The following UBAP2 variants were observed in gnomAD, a reference collection of about 807,000 sequenced individuals.
UBAP2 encodes ubiquitin-associated protein 2.
A neutral mutation model predicts 139.6 loss-of-function variants in UBAP2; 75 were observed. The observed-to-expected ratio is 0.54, with a 90% CI of 0.45 to 0.65. The LOEUF (loss-of-function observed/expected upper bound fraction) is 0.65, where lower values mean the gene tolerates loss of function less well. UBAP2 is among the 30% of genes least tolerant of loss of function. The pLI, the probability that UBAP2 is intolerant of heterozygous loss-of-function variation, is 0.00. For missense variants in UBAP2, 1,368 were observed against 1,369.6 expected (o/e 1.00, Z 0.02); for synonymous variants, 526 against 526.2 (o/e 1.00, Z 0.01).
At chr9:34,002,146 G>T (rs73480999) in intron 2 of UBAP2, among the ~76,000 whole-genome samples, 1,762 of 151,426 alleles carry the variant, frequency 0.012, 33 homozygotes, top group African/African-American at 0.04. Context: ...TAAAGACAAG[G>T]TCTCACTGTG....
intron 19 of UBAP2, among the ~76,000 whole-genome samples, chr9:33,930,895 CAAAAAAA>C (rs57202118): frequency 7.1e-4 from 52 of 73,238 alleles, no homozygotes; most frequent in Admixed American, 5.9e-3. Context: ...GACTGCATCT[CAAAAAAA>C]AAAAAAAAAA....
At chr9:33,944,253 C>CT in intron 14 of UBAP2, 112 bp downstream of exon 14, 1 of 1,385,600 alleles carries the variant, frequency 7.2e-7, no homozygotes, top group Non-Finnish European at 9.9e-7. Context: ...AATCAATAAG[C>CT]TATGTGCTTG....
In UBAP2 at chr9:34,043,749, C is replaced by G. The variant is rs1359539132; in HGVS notation, c.-42+5076G>C. On this transcript the variant is annotated intron_variant, in intron 1 of 28. Transcript: ENST00000379238. ...GCTCAAGAAATCCTTCCACCTCAGC[C>G]TCCCAAAGCGTTGGAATTACACGCA... Among the ~76,000 whole-genome samples the G allele has an allele frequency of 2.0e-5, 3 of 151,944 alleles. No homozygotes were observed. In the East Asian group the frequency reaches 5.8e-4, roughly 29 times the overall value.
intron 8 of UBAP2, chr9:33,967,994 A>G (rs1827597989): frequency 1.3e-5 from 4 of 297,806 alleles, no homozygotes; most frequent in Admixed American, 8.2e-5. Context: ...ATTTCACAAC[A>G]GTGGATTGGT....
At chr9:33,924,709 CA>C (rs1161335144) in intron 22 of UBAP2, among the ~76,000 whole-genome samples, 4 of 152,110 alleles carry the variant, frequency 2.6e-5, no homozygotes, top group South Asian at 2.1e-4. Flanking sequence ...TAAGGGGGGA[CA>C]GGGGGCAGTG....
At chr9:33,948,335 T>C in intron 13 of UBAP2, 39 bp downstream of exon 13, 1 of 1,520,524 alleles carries the variant, frequency 6.6e-7, no homozygotes, top group South Asian at 1.3e-5. Flanking sequence ...GCTTGAAACG[T>C]CCTCAGTAGG....
chr9:33,923,033 C>G lies in UBAP2; in HGVS notation c.3005G>C (p.Gly1002Ala). Reference protein sequence around the residue: ...NKSAGSGPGKGVSVSSSTTGL... With the variant: ...NKSAGSGPGKAVSVSSSTTGL... Reference sequence around the variant, plus strand: ...AGTGGTGCTTGAAGACACTGATACTCCTAGGAGGAAAAGCAGTTGTTCCCC... The same window carrying G: ...AGTGGTGCTTGAAGACACTGATACTGCTAGGAGGAAAAGCAGTTGTTCCCC... Residue 1002 changes from glycine (G) to alanine (A), a missense_variant and splice_region_variant, in exon 27 of 29, where the codon GGA becomes GCA. Coordinates refer to ENST00000379238, the MANE Select transcript of UBAP2 (RefSeq NM_001370062.2). The G allele has an allele frequency of 6.2e-7, 1 of 1,614,082 alleles. No individual in the cohort carries two copies. Among genetic ancestry groups the G allele is most frequent in the Non-Finnish European group, 8.5e-7 (1 of 1,179,996 alleles).
chr9:33,992,718 T>G (rs1209672401), intron 4 of UBAP2, among the ~76,000 whole-genome samples: 1 of 151,998 alleles, frequency 6.6e-6, no homozygotes, highest in African/African-American at 2.4e-5. Flanking sequence ...AATACCATAG[T>G]AACTGCTAAA....
At chr9:34,019,339 G>T (rs573466865) in intron 1 of UBAP2, among the ~76,000 whole-genome samples, 4 of 152,106 alleles carry the variant, frequency 2.6e-5, no homozygotes, top group Admixed American at 6.6e-5. Context: ...AGAGGCGGAG[G>T]TTGCAGTGAG....
intron 2 of UBAP2, among the ~76,000 whole-genome samples, chr9:34,004,550 A>AGGG (rs1176027753): frequency 1.3e-5 from 2 of 152,162 alleles, no homozygotes; most frequent in Non-Finnish European, 2.9e-5. Flanking sequence ...TGGGAGGCCA[A>AGGG]GGCGGGTGGA....
chr9:34,041,681 G>A lies in UBAP2; in HGVS notation c.-42+7144C>T, dbSNP rs184976289. 7.2e-5 allele frequency among the ~76,000 whole-genome samples: 11 copies of A among 152,248 alleles called. No individual in the cohort carries two copies. In the East Asian group the frequency reaches 1.9e-3, roughly 27 times the overall value. The stretch of plus-strand genomic sequence containing the variant: ...GATCGTGCCACTGGCATTCCAGCCT[G>A]GGCAAAAGAGCAAGACTCCGTCTTA... On this transcript the variant is annotated intron_variant, in intron 1 of 28. Coordinates refer to ENST00000379238, the MANE Select transcript of UBAP2 (RefSeq NM_001370062.2).
intron 2 of UBAP2, among the ~76,000 whole-genome samples, chr9:34,002,975 AC>A (rs1383935108): frequency 6.6e-6 from 1 of 152,024 alleles, no homozygotes; most frequent in Non-Finnish European, 1.5e-5. Flanking sequence ...GGCATAAACC[AC>A]AGTGCCCGGC....
rs1234197125 is a variant in UBAP2, at chr9:33,933,546, C to T, written c.2052G>A (p.Pro684=). The change falls in exon 18 of 29, where the codon CCG becomes CCA. Residue 684 remains proline, a synonymous_variant. Coordinates refer to ENST00000379238, the MANE Select transcript of UBAP2 (RefSeq NM_001370062.2). ...GGTCGCCAGTGTGCTGGGATGTGGACGGCAGAAGTGCAGTGCAGGAGGTGG... is the reference window on the plus strand; with the variant it reads ...GGTCGCCAGTGTGCTGGGATGTGGATGGCAGAAGTGCAGTGCAGGAGGTGG... The part of the protein sequence containing the change: ...PSTTSCTALL[P]STSQHTGDLT... The T allele has an allele frequency of 1.5e-5, 24 of 1,613,958 alleles. No individual in the cohort carries two copies. Among genetic ancestry groups the T allele is most frequent in the Admixed American group, 3.3e-5 (2 of 60,012 alleles).
intron 21 of UBAP2, 144 bp downstream of exon 21, chr9:33,926,845 G>A: frequency 1.0e-6 from 1 of 969,214 alleles, no homozygotes. Flanking sequence ...GACCACCAGG[G>A]CTCAGTGGGG....
At chr9:34,010,492 T>C (rs938924747) in intron 2 of UBAP2, among the ~76,000 whole-genome samples, 2 of 151,014 alleles carry the variant, frequency 1.3e-5, no homozygotes, top group African/African-American at 4.9e-5. Context: ...ACATCCATTC[T>C]GAAGTGATTA....
intron 9 of UBAP2, among the ~76,000 whole-genome samples, chr9:33,963,240 T>C (rs999312574): frequency 6.6e-6 from 1 of 152,164 alleles, no homozygotes; most frequent in African/African-American, 2.4e-5. Flanking sequence ...GAGAAGCAAG[T>C]GCCACGTTGT....
At chr9:33,939,974 AAGGT>A (rs1464331202) in intron 16 of UBAP2, among the ~76,000 whole-genome samples, 2 of 122,466 alleles carry the variant, frequency 1.6e-5, no homozygotes, top group African/African-American at 3.2e-5. Context: ...AAGAAAAAAT[AAGGT>A]AGGAGGGAGG....
chr9:34,037,952 G>A (rs1371244829), intron 1 of UBAP2, among the ~76,000 whole-genome samples: 1 of 129,346 alleles, frequency 7.7e-6, no homozygotes, highest in Non-Finnish European at 1.6e-5. Context: ...CTTGAACCCA[G>A]AAGTTGAAGA....
At chr9:33,993,154 AT>A (rs1821861910) in intron 4 of UBAP2, among the ~76,000 whole-genome samples, 1 of 152,206 alleles carries the variant, frequency 6.6e-6, no homozygotes, top group Non-Finnish European at 1.5e-5. Flanking sequence ...GAAAAAATAA[AT>A]TTATCCTTAA....
Sources: allele counts gnomAD v4.1 joint callset (sites outside exome capture counted in the v4.1 genomes callset), GRCh38; gene constraint gnomAD v4.1.1; transcripts MANE v1.5; gene names NCBI Gene and HGNC (gene_info 2026-07-23, HGNC 2026-07-21).